The following RPGR variants were observed in gnomAD, a reference collection of about 807,000 sequenced individuals.
The protein encoded by RPGR is retinitis pigmentosa GTPase regulator.
In RPGR, 10 loss-of-function variants were observed where a neutral mutation model predicts 56.3. That is an observed-to-expected ratio of 0.18 (90% CI 0.11 to 0.30). The LOEUF is 0.30. Among genes scored for constraint, RPGR ranks in the 10% least tolerant of loss-of-function variants. The pLI is 1.00. For synonymous variants in RPGR, 197 were observed against 212.9 expected, an observed-to-expected ratio of 0.93 and a Z score of 0.65; for missense variants, 538 against 590.9, an observed-to-expected ratio of 0.91 and a Z score of 0.93.
chrX:38,270,080 A>G (rs778646714), intron 18 of RPGR, among the ~76,000 whole-genome samples: 1 of 111,612 alleles, frequency 9.0e-6, no homozygotes, highest in Non-Finnish European at 1.9e-5. Context: ...CACCTTGGTG[A>G]TATCTTTTTC....
At chrX:38,273,580 C>T (rs937108172) in intron 17 of RPGR, 21 of 573,579 alleles carry the variant, frequency 3.7e-5, no homozygotes, top group South Asian at 8.0e-5. Flanking sequence ...TGGGGTAATA[C>T]GAAAAGAGCT....
At chrX:38,283,530 C>T (rs1219496575) in intron 15 of RPGR, among the ~76,000 whole-genome samples, 1 of 111,761 alleles carries the variant, frequency 8.9e-6, no homozygotes. Context: ...CTCAAAAGTA[C>T]AAAACCAGAA....
chrX:38,315,834 T>G (rs199627362), intron 6 of RPGR, among the ~76,000 whole-genome samples: 84 of 88,393 alleles, frequency 9.5e-4, no homozygotes, highest in African/African-American at 2.8e-3. Context: ...TATATATATA[T>G]ATATAGAGAG....
chrX:38,283,083 T>G (rs1447481212), intron 15 of RPGR, among the ~76,000 whole-genome samples: 1 of 111,266 alleles, frequency 9.0e-6, no homozygotes, highest in Non-Finnish European at 1.9e-5. Context: ...TATATAAAAT[T>G]TACAAACATG....
intron 4 of RPGR, among the ~76,000 whole-genome samples, chrX:38,320,275 G>A (rs1305456043): frequency 9.2e-6 from 1 of 108,935 alleles, no homozygotes; most frequent in Non-Finnish European, 1.9e-5. Flanking sequence ...GGTGGGGGAG[G>A]GGCGGGGCAA....
At chrX:38,303,534 A>G (rs150033642) in intron 8 of RPGR, 5,510 of 250,174 alleles carry the variant, frequency 0.022, 69 homozygotes, top group Middle Eastern at 0.043. Flanking sequence ...ATGAAAAATG[A>G]CAGTAAGGAC....
chrX:38,287,592 G>A (rs760382099), intron 14 of RPGR: 14 of 506,245 alleles, frequency 2.8e-5, no homozygotes, highest in Non-Finnish European at 4.2e-5. Context: ...TATCTGGTAA[G>A]TTGCCAAAGA....
rs199613892 is a variant in RPGR at position 38,318,530 on chromosome X, CAAAAAT to C, written c.469+293_469+298del. Among the ~76,000 whole-genome samples the C allele has an allele frequency of 0.032, 3,541 of 111,094 alleles. 95 individuals carry two copies. The highest frequency in any genetic ancestry group is 0.09 in the African/African-American group (2,749 of 30,543). On this transcript the variant is annotated intron_variant, in intron 5 of 18. Transcript: ENST00000642395. ...CAAGTATAACTTTAAGAGCACACAA[CAAAAAT>C]AATATTTAAGAATATCTAAAGGAGT...
At position 38,285,693 on chromosome X, in the gene RPGR, T is replaced by C. The variant is rs756753383; in HGVS notation, c.1905+1401A>G. ...TGTTAGTAACTGACTTTTTTTGATA[T>C]GTTTTATGTTTGCCATATTTCACAG... On this transcript the variant is annotated intron_variant, in intron 15 of 18. Coordinates refer to ENST00000642395, the MANE Select transcript of RPGR (RefSeq NM_000328.3). 5.0e-6 allele frequency: 6 copies of C among 1,211,440 alleles called. No individual in the cohort carries two copies. The South Asian group carries it at 5.3e-5, about 11-fold the overall frequency.
chrX:38,327,379 T>C lies in RPGR; in HGVS notation c.-12A>G. 8.4e-7 allele frequency: 1 copy of C among 1,184,139 alleles called. No individual in the cohort carries two copies. Among genetic ancestry groups the C allele is most frequent in the Non-Finnish European group, 1.1e-6 (1 of 882,206 alleles). Reference sequence around the variant, plus strand: ...TCCGGCTCCCTCATGCCACGGGCAGTACGGGCAGCCTGCGCCGGGGCCAGG... The same window carrying C: ...TCCGGCTCCCTCATGCCACGGGCAGCACGGGCAGCCTGCGCCGGGGCCAGG... On this transcript the variant is annotated 5_prime_UTR_variant, in exon 1 of 19. Transcript: ENST00000642395.
intron 17 of RPGR, among the ~76,000 whole-genome samples, chrX:38,274,585 C>T (rs775373061): frequency 3.0e-4 from 34 of 112,184 alleles, no homozygotes; most frequent in Non-Finnish European, 5.3e-4. Flanking sequence ...GAGGCCGAGG[C>T]GGGAGGATCA....
At chrX:38,319,386 G>A (rs1399996381) in intron 4 of RPGR, among the ~76,000 whole-genome samples, 1 of 112,403 alleles carries the variant, frequency 8.9e-6, no homozygotes, top group Non-Finnish European at 1.9e-5. Context: ...AGATATAATA[G>A]TACAAATAAG....
chrX:38,280,918 A>C (rs1327800937), intron 15 of RPGR, among the ~76,000 whole-genome samples: 1 of 111,909 alleles, frequency 8.9e-6, no homozygotes, highest in Non-Finnish European at 1.9e-5. Flanking sequence ...TGCACCAAAC[A>C]AAATAAGTCT....
At position 38,286,366 on chromosome X, in the gene RPGR, CCCTCCCCTTCTCCTT is replaced by C; in HGVS notation, c.1905+713_1905+727del. On this transcript the variant is annotated intron_variant, in intron 15 of 18. Transcript: ENST00000642395. The stretch of plus-strand genomic sequence containing the variant: ...CTCCCCTTCTCCTTCCTCCTCTTCC[CCCTCCCCTTCTCCTT>C]CCTCCCCTTCTTCCTCCCCTTCTCC... 4 of 778,153 alleles carry C rather than the reference CCCTCCCCTTCTCCTT, an allele frequency of 5.1e-6. No individual in the cohort carries two copies. The highest frequency in any genetic ancestry group is 5.7e-5 in the Admixed American group (1 of 17,664). 64.1% of individuals were successfully genotyped at this position (778,153 alleles called of 1,213,427 possible). A position where few individuals can be genotyped will look rare whatever the true frequency, so the allele number is the denominator to read the frequency against.
At position 38,279,137 on chromosome X, in the gene RPGR, C is replaced by G. The variant is rs41305371; in HGVS notation, c.1906-2365G>C. The stretch of plus-strand genomic sequence containing the variant: ...TAAAATTATTCTAAACACATCTGGA[C>G]GACTACTTGAAGTCACAGAAAGCAC... On this transcript the variant is annotated intron_variant, in intron 15 of 18. Coordinates refer to ENST00000642395, the MANE Select transcript of RPGR (RefSeq NM_000328.3). 4 of 328,713 alleles carry G rather than the reference C, an allele frequency of 1.2e-5. No homozygotes were observed. The Admixed American group carries it at 1.3e-4, about 10-fold the overall frequency. 27.1% of individuals were successfully genotyped at this position (328,713 alleles called of 1,213,427 possible). A position where few individuals can be genotyped will look rare whatever the true frequency, so the allele number is the denominator to read the frequency against.
chrX:38,290,263 C>G (rs1472723604), intron 13 of RPGR, among the ~76,000 whole-genome samples: 1 of 111,570 alleles, frequency 9.0e-6, no homozygotes, highest in Non-Finnish European at 1.9e-5. Context: ...CTTTCCTAAT[C>G]CTCTAATCCC....
chrX:38,298,030 G>A (rs1363816420), intron 10 of RPGR, among the ~76,000 whole-genome samples: 1 of 111,460 alleles, frequency 9.0e-6, no homozygotes, highest in African/African-American at 3.3e-5. Flanking sequence ...CAGGTTGGGA[G>A]GCCGAGGCTG....
At chrX:38,299,276 T>C in intron 9 of RPGR, 135 bp from the exon 10 acceptor site, 2 of 589,531 alleles carry the variant, frequency 3.4e-6, no homozygotes, top group South Asian at 5.1e-5. Context: ...TCTCTCTGTC[T>C]ATACGTATGT....
intron 7 of RPGR, among the ~76,000 whole-genome samples, chrX:38,309,882 C>T (rs767185966): frequency 8.9e-6 from 1 of 111,783 alleles, no homozygotes; most frequent in Non-Finnish European, 1.9e-5. Flanking sequence ...AGAAACAATT[C>T]AACAAGATTC....
Sources: gnomAD v4.1 joint callset for allele counts (sites outside exome capture counted in the v4.1 genomes callset) on GRCh38, gnomAD v4.1.1 for gene constraint, MANE v1.5 for transcripts, NCBI Gene and HGNC (gene_info 2026-07-23, HGNC 2026-07-21) for gene names.